AFF3: variants seen among roughly 807,000 people sequenced by gnomAD.
AFF3 encodes the protein ALF transcription elongation factor 3.
In AFF3, 32 loss-of-function variants were observed where a neutral mutation model predicts 129.7. The observed-to-expected ratio is 0.25, with a 90% CI of 0.19 to 0.33. The LOEUF (loss-of-function observed/expected upper bound fraction) is 0.33. Ranked by LOEUF, AFF3 falls within the 10% of genes least tolerant of loss-of-function variation. The pLI is 1.00. For missense variants in AFF3, 1,373 were observed against 1,592.0 expected (o/e 0.86, Z 2.34); for synonymous variants, 644 against 635.4 (o/e 1.01, Z -0.20).
At chr2:99,742,437 T>C (rs560089122) in intron 10 of AFF3, among the ~76,000 whole-genome samples, 6 of 152,328 alleles carry the variant, frequency 3.9e-5, no homozygotes, top group African/African-American at 1.2e-4. Flanking sequence ...CAGAGGGTTT[T>C]ATACCACACA....
At chr2:100,084,823 T>C (rs544322011) in intron 4 of AFF3, among the ~76,000 whole-genome samples, 2 of 151,480 alleles carry the variant, frequency 1.3e-5, no homozygotes, top group South Asian at 2.1e-4. Context: ...GAAGGATTTA[T>C]ATAGATTGTC....
At chr2:99,952,839 T>C (rs1023429587) in intron 7 of AFF3, among the ~76,000 whole-genome samples, 10 of 152,176 alleles carry the variant, frequency 6.6e-5, no homozygotes, top group African/African-American at 2.2e-4. Flanking sequence ...GGCAGGCAGC[T>C]TGGGTGCAAA....
At position 99,575,938 on chromosome 2, in the gene AFF3, C is replaced by T. The variant is rs564657296; in HGVS notation, c.2918+2389G>A. On this transcript the variant is annotated intron_variant, in intron 18 of 24. Transcript: ENST00000672756. ...TAAAAAGTCCAAGGGCTGCCAGCCACGGTGGCTCACGCCTATAATCCTGCA... is the reference window on the plus strand; with the variant it reads ...TAAAAAGTCCAAGGGCTGCCAGCCATGGTGGCTCACGCCTATAATCCTGCA... 1.3e-3 allele frequency among the ~76,000 whole-genome samples: 196 copies of T among 152,204 alleles called. 3 individuals are homozygous for T. The highest frequency in any genetic ancestry group is 1.5e-3 in the Non-Finnish European group (104 of 68,014).
intron 2 of AFF3, among the ~76,000 whole-genome samples, chr2:100,115,186 A>G (rs1198345561): frequency 6.6e-6 from 1 of 152,146 alleles, no homozygotes; most frequent in African/African-American, 2.4e-5. Context: ...ATACTTTAAG[A>G]CTTGTTGAGA....
chr2:99,647,205 G>A (rs142478284), intron 13 of AFF3, among the ~76,000 whole-genome samples: 4 of 152,300 alleles, frequency 2.6e-5, no homozygotes, highest in South Asian at 2.1e-4. Context: ...GCACGTGTAC[G>A]TTCACTGCAG....
At chr2:99,776,209 C>T (rs756703069) in intron 8 of AFF3, among the ~76,000 whole-genome samples, 2 of 152,052 alleles carry the variant, frequency 1.3e-5, no homozygotes, top group Non-Finnish European at 2.9e-5. Flanking sequence ...CTCTTTGGCT[C>T]CTAACAAAGA....
chr2:99,564,369 T>C (rs368554154), intron 20 of AFF3, among the ~76,000 whole-genome samples: 1 of 152,162 alleles, frequency 6.6e-6, no homozygotes, highest in Non-Finnish European at 1.5e-5. Flanking sequence ...TAGGATCCGT[T>C]AGAGTAACTT....
At chr2:99,696,324 T>C (rs879010603) in intron 11 of AFF3, among the ~76,000 whole-genome samples, 8 of 152,172 alleles carry the variant, frequency 5.3e-5, no homozygotes, top group Admixed American at 5.2e-4. Context: ...CTCAGGTGAT[T>C]TACACACAGG....
chr2:99,984,652 T>C (rs1679700624), intron 7 of AFF3, among the ~76,000 whole-genome samples: 1 of 152,208 alleles, frequency 6.6e-6, no homozygotes, highest in South Asian at 2.1e-4. Flanking sequence ...TAATACCATC[T>C]GTTCCAGTTC....
chr2:99,582,922 T>C lies in AFF3; in HGVS notation c.2669A>G (p.Lys890Arg), dbSNP rs1677716608. Reference sequence around the variant, plus strand: ...AGAAGTTAAGTCCTCGCTGGTGTATTTGTGTTTAGATGCATCAGAGAGGGG... The same window carrying C: ...AGAAGTTAAGTCCTCGCTGGTGTATCTGTGTTTAGATGCATCAGAGAGGGG... ...ISPLSDASKHKYTSEDLTSSS... is the reference protein window; with the variant it reads ...ISPLSDASKHRYTSEDLTSSS... Residue 890 changes from lysine (K) to arginine (R), a missense_variant, in exon 17 of 25, where the codon AAA (lysine) becomes AGA (arginine). Physicochemically the swap from Lys to Arg is conservative, Grantham distance 26. Coordinates refer to ENST00000672756, the MANE Select transcript of AFF3 (RefSeq NM_001386135.1). The C allele has an allele frequency of 5.0e-6, 8 of 1,614,086 alleles. No individual in the cohort carries two copies. The highest frequency in any genetic ancestry group is 6.8e-6 in the Non-Finnish European group (8 of 1,179,980).
chr2:99,855,926 G>T (rs560372222), intron 7 of AFF3, among the ~76,000 whole-genome samples: 1 of 152,264 alleles, frequency 6.6e-6, no homozygotes, highest in South Asian at 2.1e-4. Context: ...CTGGCACTTT[G>T]CCTGTGTGGT....
Position 99,734,351 on chromosome 2 carries a change from CCTTT to C in AFF3, c.1040-7227_1040-7224del, listed in dbSNP as rs539229250. On this transcript the variant is annotated intron_variant, in intron 10 of 24. Transcript: ENST00000672756. Reference sequence around the variant, plus strand: ...AATTTGAGAAAATGAATGTTCTTCTCCTTTCTAACAGGTACTTTTTTTTCTTAAT... The same window carrying C: ...AATTTGAGAAAATGAATGTTCTTCTCCTAACAGGTACTTTTTTTTCTTAAT... Among the ~76,000 whole-genome samples the C allele has an allele frequency of 2.4e-4, 31 of 127,870 alleles. No individual in the cohort carries two copies. The South Asian group carries it at 5.2e-3, about 22-fold the overall frequency. 83.9% of individuals were successfully genotyped at this position (127,870 alleles called of 152,430 possible). A position where few individuals can be genotyped will look rare whatever the true frequency, so the allele number is the denominator to read the frequency against.
At chr2:99,900,849 A>C (rs140371402) in intron 7 of AFF3, among the ~76,000 whole-genome samples, 1 of 152,194 alleles carries the variant, frequency 6.6e-6, no homozygotes, top group Non-Finnish European at 1.5e-5. Context: ...GGCAGGTTTG[A>C]TGATCTCCGC....
chr2:99,940,348 G>A (rs1674912817), intron 7 of AFF3, among the ~76,000 whole-genome samples: 1 of 152,158 alleles, frequency 6.6e-6, no homozygotes, highest in East Asian at 1.9e-4. Flanking sequence ...AATAGGAGCT[G>A]GGTAAAATGA....
chr2:99,888,828 A>G (rs1693319607), intron 7 of AFF3, among the ~76,000 whole-genome samples: 2 of 152,314 alleles, frequency 1.3e-5, no homozygotes, highest in East Asian at 1.9e-4. Flanking sequence ...GGGATGAACA[A>G]TGACGGCAAC....
intron 8 of AFF3, among the ~76,000 whole-genome samples, chr2:99,753,063 A>G (rs1322546254): frequency 6.6e-6 from 1 of 151,802 alleles, no homozygotes; most frequent in Non-Finnish European, 1.5e-5. Flanking sequence ...CAGGACGCCA[A>G]CTTGGAGTTT....
At chr2:99,612,758 C>A (rs1450887138) in intron 13 of AFF3, among the ~76,000 whole-genome samples, 2 of 152,194 alleles carry the variant, frequency 1.3e-5, no homozygotes, top group Admixed American at 1.3e-4. Flanking sequence ...GCACGGCACA[C>A]CTGTTCCAGC....
chr2:99,890,640 C>T (rs571112900), intron 7 of AFF3, among the ~76,000 whole-genome samples: 1 of 152,164 alleles, frequency 6.6e-6, no homozygotes, highest in African/African-American at 2.4e-5. Flanking sequence ...CTCTCACAGG[C>T]TGCACACTAA....
intron 8 of AFF3, among the ~76,000 whole-genome samples, chr2:99,825,854 G>A (rs1688041908): frequency 6.6e-6 from 1 of 152,142 alleles, no homozygotes; most frequent in Admixed American, 6.5e-5. Flanking sequence ...GTGTTCTAAT[G>A]CTTCCAGGTA....
Sources: allele counts gnomAD v4.1 joint callset (sites outside exome capture counted in the v4.1 genomes callset), GRCh38; gene constraint gnomAD v4.1.1; transcripts MANE v1.5; gene names NCBI Gene and HGNC (gene_info 2026-07-23, HGNC 2026-07-21).